KDM2B: variants seen among roughly 807,000 people sequenced by gnomAD.
The protein encoded by KDM2B is lysine-specific demethylase 2B.
In KDM2B, 26 loss-of-function variants were observed where a neutral mutation model predicts 150.0. The ratio of observed to expected loss-of-function variants is 0.17; its 90% CI spans 0.13 to 0.24. KDM2B has a LOEUF of 0.24. Among genes scored for constraint, KDM2B ranks in the 10% least tolerant of loss-of-function variants. The probability of loss-of-function intolerance (pLI) is 1.00; values close to 1 mark genes in which losing one functional copy is unlikely to be tolerated. For missense variants in KDM2B, 1,265 were observed against 1,816.9 expected, an observed-to-expected ratio of 0.70 and a Z score of 5.52; for synonymous variants, 734 against 729.5, an observed-to-expected ratio of 1.01 and a Z score of -0.10.
intron 12 of KDM2B, among the ~76,000 whole-genome samples, chr12:121,490,781 G>A (rs1057320402): frequency 1.4e-4 from 22 of 152,170 alleles, no homozygotes; most frequent in Non-Finnish European, 5.9e-5. Flanking sequence ...GAAGGACACC[G>A]CATCAGAAAT....
intron 6 of KDM2B, among the ~76,000 whole-genome samples, chr12:121,543,893 C>T (rs1192931120): frequency 2.0e-5 from 3 of 151,236 alleles, no homozygotes; most frequent in Non-Finnish European, 4.4e-5. Context: ...AGGCCAAGGT[C>T]GGTGGACCAC....
chr12:121,532,182 G>A (rs1555307939), intron 8 of KDM2B, among the ~76,000 whole-genome samples: 1 of 151,666 alleles, frequency 6.6e-6, no homozygotes, highest in Non-Finnish European at 1.5e-5. Flanking sequence ...TACACAGCAG[G>A]ACTATCACCT....
At chr12:121,433,198 A>G in intron 22 of KDM2B, 1 of 456,754 alleles carries the variant, frequency 2.2e-6, no homozygotes, top group Non-Finnish European at 4.4e-6. Flanking sequence ...AGACCCTTCC[A>G]ACAAAGAAGC....
downstream of KDM2B, among the ~76,000 whole-genome samples, chr12:121,428,780 G>A (rs1872646442): frequency 6.6e-6 from 1 of 152,176 alleles, no homozygotes; most frequent in Non-Finnish European, 1.5e-5. Context: ...GTTTCCTACA[G>A]CCACCATGGC....
At chr12:121,498,381 T>C (rs1372887685) in intron 11 of KDM2B, among the ~76,000 whole-genome samples, 2 of 152,104 alleles carry the variant, frequency 1.3e-5, no homozygotes, top group Non-Finnish European at 2.9e-5. Context: ...ACATGGCCCA[T>C]TTAAAAAGGG....
In KDM2B at chr12:121,520,715, C is replaced by G. The variant is rs1358999932; in HGVS notation, c.1047+270G>C. ...GGTCCCTGAAATCTCACGGTGCTTT[C>G]TCAGAGACACTTCCTCTTCCACAAG... On this transcript the variant is annotated intron_variant, in intron 9 of 22. Transcript: ENST00000377071. This position sits in a 1 kb window ranked among gnomAD's most constrained non-coding sequence, Gnocchi z 4.5. Among the ~76,000 whole-genome samples the G allele has an allele frequency of 6.6e-6, 1 of 152,190 alleles. No homozygotes were observed. The highest frequency in any genetic ancestry group is 2.4e-5 in the African/African-American group (1 of 41,452).
chr12:121,534,080 T>G (rs1462709011), intron 7 of KDM2B, among the ~76,000 whole-genome samples: 1 of 151,930 alleles, frequency 6.6e-6, no homozygotes, highest in African/African-American at 2.4e-5. Context: ...CCGGGCACAG[T>G]GGCTCACGCC....
chr12:121,443,607 C>T (rs1555289183), intron 17 of KDM2B, 73 bp downstream of exon 17: 15 of 849,966 alleles, frequency 1.8e-5, no homozygotes, highest in African/African-American at 1.7e-5. Flanking sequence ...GGAGGACCAG[C>T]GGGGTGGGGT....
At chr12:121,464,380 G>A (rs782722671) in intron 12 of KDM2B, among the ~76,000 whole-genome samples, 2 of 152,226 alleles carry the variant, frequency 1.3e-5, no homozygotes, top group Non-Finnish European at 2.9e-5. Flanking sequence ...TCCCGCCAAG[G>A]GTGCACACCG....
chr12:121,436,665 G>C (rs1359768405), intron 22 of KDM2B, among the ~76,000 whole-genome samples: 1 of 152,074 alleles, frequency 6.6e-6, no homozygotes, highest in Non-Finnish European at 1.5e-5. Flanking sequence ...AGGAAGTTAA[G>C]AAAGAAGAAG....
chr12:121,526,742 A>T (rs992599076), intron 8 of KDM2B, among the ~76,000 whole-genome samples: 4 of 151,858 alleles, frequency 2.6e-5, no homozygotes, highest in East Asian at 2.0e-4. Context: ...AAATTTAAAA[A>T]TTTTTTTAGC....
At position 121,440,985 on chromosome 12, in the gene KDM2B, G is replaced by C. The variant is rs1555288070; in HGVS notation, c.3449-8C>G. The C allele has an allele frequency of 6.2e-7, 1 of 1,613,330 alleles. No homozygotes were observed. The highest frequency in any genetic ancestry group is 8.5e-7 in the Non-Finnish European group (1 of 1,179,510). ...GCACCAAGTCCCGGAGCCCTGGGGG[G>C]ACATAGAAAAGGGTGAAGGTCAGGG... is the stretch of plus-strand genomic sequence containing the variant. On this transcript the variant is annotated splice_region_variant and splice_polypyrimidine_tract_variant and intron_variant, in intron 20 of 22. Coordinates refer to ENST00000377071, the MANE Select transcript of KDM2B (RefSeq NM_032590.5).
intron 4 of KDM2B, among the ~76,000 whole-genome samples, chr12:121,565,811 G>C (rs1441880982): frequency 6.6e-6 from 1 of 151,070 alleles, no homozygotes; most frequent in Non-Finnish European, 1.5e-5. Context: ...ATTTTTAGTA[G>C]AGACGGGGTT....
intron 11 of KDM2B, among the ~76,000 whole-genome samples, chr12:121,497,824 G>C (rs1555301282): frequency 6.6e-6 from 1 of 151,896 alleles, no homozygotes; most frequent in African/African-American, 2.4e-5. Context: ...CTGGCCAGTT[G>C]CGGTGGCTCA....
intron 4 of KDM2B, among the ~76,000 whole-genome samples, chr12:121,564,953 T>C (rs558183693): frequency 3.6e-4 from 54 of 151,490 alleles, no homozygotes; most frequent in East Asian, 1.6e-3. Context: ...CTCAGCTGGA[T>C]AGGAGAGTAG....
intron 12 of KDM2B, among the ~76,000 whole-genome samples, chr12:121,459,611 A>T (rs1340688506): frequency 2.0e-5 from 3 of 152,204 alleles, no homozygotes; most frequent in Non-Finnish European, 4.4e-5. Context: ...CGGGAGGATC[A>T]CCTGAGGTTG....
chr12:121,455,763 T>G (rs1878135686), intron 12 of KDM2B, among the ~76,000 whole-genome samples: 1 of 152,092 alleles, frequency 6.6e-6, no homozygotes, highest in South Asian at 2.1e-4. Flanking sequence ...CCCAACATAC[T>G]CGCATAGTCC....
At chr12:121,555,955 C>G in intron 4 of KDM2B, among the ~76,000 whole-genome samples, 1 of 151,336 alleles carries the variant, frequency 6.6e-6, no homozygotes. Context: ...GAGACGGAGT[C>G]TCACTCTCTC....
intron 22 of KDM2B, among the ~76,000 whole-genome samples, chr12:121,437,914 A>G (rs1049056754): frequency 1.3e-5 from 2 of 151,716 alleles, no homozygotes; most frequent in Admixed American, 6.6e-5. Context: ...GAAAATCTAG[A>G]AGAGTTTAGG....
Sources: gnomAD v4.1 joint callset for allele counts (sites outside exome capture counted in the v4.1 genomes callset) on GRCh38, gnomAD v4.1.1 for gene constraint, Gnocchi (gnomAD v3.1) non-coding constraint, MANE v1.5 for transcripts, NCBI Gene and HGNC (gene_info 2026-07-23, HGNC 2026-07-21) for gene names.